The following DSCAML1 variants were observed in gnomAD, a reference collection of about 807,000 sequenced individuals.
The protein encoded by DSCAML1 is DS cell adhesion molecule like 1, also known as cell adhesion molecule DSCAML1.
Under a neutral mutation model 200.5 loss-of-function variants are expected in DSCAML1, and 38 were observed. The ratio of observed to expected loss-of-function variants is 0.19; its 90% CI spans 0.15 to 0.25. The LOEUF (loss-of-function observed/expected upper bound fraction) is 0.25, where lower values mean the gene tolerates loss of function less well. Among genes scored for constraint, DSCAML1 ranks in the 10% least tolerant of loss-of-function variants. The pLI is 1.00. For missense variants in DSCAML1, 2,223 were observed against 2,858.8 expected (o/e 0.78, Z 5.07); for synonymous variants, 1,215 against 1,165.0 (o/e 1.04, Z -0.87).
intron 3 of DSCAML1, among the ~76,000 whole-genome samples, chr11:117,760,468 T>C (rs1225645875): frequency 6.6e-6 from 1 of 152,236 alleles, no homozygotes; most frequent in East Asian, 1.9e-4. Flanking sequence ...TTTGTACAAA[T>C]GGCACCATAA....
At chr11:117,458,371 T>C (rs887399776) in intron 19 of DSCAML1, among the ~76,000 whole-genome samples, 1 of 152,148 alleles carries the variant, frequency 6.6e-6, no homozygotes, top group Non-Finnish European at 1.5e-5. Context: ...TAACCCGTGA[T>C]GTACTGAGCG....
At chr11:117,696,125 G>A (rs2053583971) in intron 3 of DSCAML1, among the ~76,000 whole-genome samples, 1 of 152,230 alleles carries the variant, frequency 6.6e-6, no homozygotes, top group African/African-American at 2.4e-5. Flanking sequence ...AAAGGTTAGC[G>A]AGTAATCCCC....
chr11:117,721,814 T>A (rs866223439), intron 3 of DSCAML1, among the ~76,000 whole-genome samples: 97 of 122,554 alleles, frequency 7.9e-4, no homozygotes, highest in South Asian at 6.7e-3. Flanking sequence ...TATATATATT[T>A]TTTTTTTTTT....
At chr11:117,431,060 G>C in intron 31 of DSCAML1, 27 bp from the exon 32 acceptor site, 2 of 1,585,564 alleles carry the variant, frequency 1.3e-6, no homozygotes, top group South Asian at 2.3e-5. Context: ...AAAGGGGTGG[G>C]TTACGGGGAG....
At chr11:117,528,572 G>GT (rs1321425097) in intron 4 of DSCAML1, among the ~76,000 whole-genome samples, 4 of 152,288 alleles carry the variant, frequency 2.6e-5, no homozygotes, top group African/African-American at 9.6e-5. Context: ...GAGGCTGCTG[G>GT]GAACCCTGCC....
At chr11:117,708,151 C>T (rs1270587812) in intron 3 of DSCAML1, among the ~76,000 whole-genome samples, 2 of 152,222 alleles carry the variant, frequency 1.3e-5, no homozygotes, top group African/African-American at 2.4e-5. Flanking sequence ...GACCCTCTGT[C>T]TTCTCACATT....
At chr11:117,587,280 A>G (rs1317329294) in intron 3 of DSCAML1, among the ~76,000 whole-genome samples, 1 of 140,508 alleles carries the variant, frequency 7.1e-6, no homozygotes, top group African/African-American at 2.5e-5. Context: ...AGATACTATT[A>G]TGATTCCTAT....
chr11:117,618,708 C>A (rs1036495419), intron 3 of DSCAML1, among the ~76,000 whole-genome samples: 4 of 151,802 alleles, frequency 2.6e-5, no homozygotes, highest in African/African-American at 9.7e-5. Context: ...AAAATAGATG[C>A]TTCTATTTGA....
intron 3 of DSCAML1, among the ~76,000 whole-genome samples, chr11:117,742,000 C>G (rs933514575): frequency 6.6e-6 from 1 of 152,220 alleles, no homozygotes; most frequent in Non-Finnish European, 1.5e-5. Flanking sequence ...GGCAAATGCT[C>G]TCAGGGAGGA....
At chr11:117,791,350 G>C (rs2055463422) in intron 1 of DSCAML1, among the ~76,000 whole-genome samples, 1 of 152,250 alleles carries the variant, frequency 6.6e-6, no homozygotes, top group Admixed American at 6.5e-5. Context: ...AGCAGGGAGA[G>C]ACACAGAAAT....
chr11:117,604,722 T>C (rs1209126559), intron 3 of DSCAML1, among the ~76,000 whole-genome samples: 1 of 152,204 alleles, frequency 6.6e-6, no homozygotes, highest in Non-Finnish European at 1.5e-5. Context: ...AGGGCTCCAG[T>C]GGCAGATGAG....
intron 11 of DSCAML1, among the ~76,000 whole-genome samples, chr11:117,497,578 T>C (rs1456903737): frequency 6.6e-6 from 1 of 151,944 alleles, no homozygotes; most frequent in Non-Finnish European, 1.5e-5. Context: ...CGGATGATCA[T>C]TGCCATGGAA....
intron 4 of DSCAML1, among the ~76,000 whole-genome samples, chr11:117,531,965 AGGG>A (rs2050087765): frequency 1.7e-5 from 2 of 120,778 alleles, no homozygotes; most frequent in African/African-American, 3.1e-5. Context: ...GGAGGGAGGG[AGGG>A]ACGAAATAAA....
chr11:117,559,967 C>G (rs1389016709), intron 3 of DSCAML1, among the ~76,000 whole-genome samples: 1 of 152,048 alleles, frequency 6.6e-6, no homozygotes, highest in Non-Finnish European at 1.5e-5. Flanking sequence ...CTGCCCCAAA[C>G]CCAGAGAAGC....
At chr11:117,794,250 A>G (rs2134075385) in intron 1 of DSCAML1, among the ~76,000 whole-genome samples, 1 of 152,318 alleles carries the variant, frequency 6.6e-6, no homozygotes, top group South Asian at 2.1e-4. Context: ...TTTACACAGT[A>G]AAAATGCAAA....
At chr11:117,502,521 G>A (rs935102949) in intron 11 of DSCAML1, among the ~76,000 whole-genome samples, 9 of 152,154 alleles carry the variant, frequency 5.9e-5, no homozygotes, top group Non-Finnish European at 1.2e-4. Context: ...TCCCCAGGGC[G>A]GGGATTCCGG....
rs906896790 is a variant in DSCAML1, at chr11:117,780,278, A to T, written c.364+215T>A. Among the ~76,000 whole-genome samples the T allele has an allele frequency of 1.0e-5, 1 of 96,756 alleles. No individual in the cohort carries two copies. Among genetic ancestry groups the T allele is most frequent in the East Asian group, 2.8e-4 (1 of 3,632 alleles). 63.5% of individuals were successfully genotyped at this position (96,756 alleles called of 152,430 possible). ...AAAGAAAGAAAGAAAGAAAGAAAGAAAGAAAGAAAGAAAGAAAGAAAGAAA... is the reference window on the plus strand; with the variant it reads ...AAAGAAAGAAAGAAAGAAAGAAAGATAGAAAGAAAGAAAGAAAGAAAGAAA... On this transcript the variant is annotated intron_variant, in intron 2 of 32. Transcript: ENST00000651296. The surrounding 1 kb of genome is among the most constrained non-coding windows in gnomAD (Gnocchi z 4.8).
intron 19 of DSCAML1, among the ~76,000 whole-genome samples, chr11:117,456,006 C>T (rs548474461): frequency 2.6e-5 from 4 of 152,316 alleles, no homozygotes; most frequent in Admixed American, 6.5e-5. Context: ...TGGGGTAAAT[C>T]GGTCCTGATA....
At chr11:117,506,434 C>A (rs1274045291) in intron 8 of DSCAML1, among the ~76,000 whole-genome samples, 2 of 152,194 alleles carry the variant, frequency 1.3e-5, no homozygotes, top group African/African-American at 4.8e-5. Context: ...TAAGATATGA[C>A]CATGGGATTT....
Sources: gnomAD v4.1 joint callset for allele counts (sites outside exome capture counted in the v4.1 genomes callset) on GRCh38, gnomAD v4.1.1 for gene constraint, Gnocchi (gnomAD v3.1) non-coding constraint, MANE v1.5 for transcripts, NCBI Gene and HGNC (gene_info 2026-07-23, HGNC 2026-07-21) for gene names.